UBTD2: variants seen among roughly 807,000 people sequenced by gnomAD.
UBTD2 encodes ubiquitin domain-containing protein 2.
A neutral mutation model predicts 19.8 loss-of-function variants in UBTD2; 9 were observed. The ratio of observed to expected loss-of-function variants is 0.46; its 90% CI spans 0.27 to 0.79. The LOEUF (loss-of-function observed/expected upper bound fraction) is 0.79, where lower values mean the gene tolerates loss of function less well. Ranked by LOEUF, UBTD2 falls within the 30% of genes least tolerant of loss-of-function variation. The pLI is 0.14. For synonymous variants in UBTD2, 98 were observed against 103.9 expected, an observed-to-expected ratio of 0.94 and a Z score of 0.35; for missense variants, 250 against 300.4, an observed-to-expected ratio of 0.83 and a Z score of 1.24.
intron 1 of UBTD2, among the ~76,000 whole-genome samples, chr5:172,264,741 T>C (rs1046000056): frequency 1.6e-4 from 25 of 151,834 alleles, no homozygotes; most frequent in African/African-American, 6.0e-4. Flanking sequence ...CCAGGCATAG[T>C]GGCATGCGCC....
At chr5:172,235,359 G>C (rs1039628470) in intron 1 of UBTD2, among the ~76,000 whole-genome samples, 2 of 152,174 alleles carry the variant, frequency 1.3e-5, no homozygotes, top group African/African-American at 2.4e-5. Context: ...AAACTGATTA[G>C]AGGAATGCTT....
intron 2 of UBTD2, among the ~76,000 whole-genome samples, chr5:172,215,245 C>T (rs939389213): frequency 1.4e-4 from 22 of 152,164 alleles, no homozygotes; most frequent in Non-Finnish European, 2.9e-4. Context: ...AGAATAATTC[C>T]CTGGGTTGGA....
intron 2 of UBTD2, among the ~76,000 whole-genome samples, chr5:172,231,644 G>A (rs1263012408): frequency 3.3e-5 from 5 of 152,126 alleles, no homozygotes; most frequent in African/African-American, 9.7e-5. Flanking sequence ...TATTCCAGTA[G>A]GTAATTATAA....
chr5:172,267,845 A>C (rs1479399699), intron 1 of UBTD2, among the ~76,000 whole-genome samples: 1 of 152,254 alleles, frequency 6.6e-6, no homozygotes, highest in African/African-American at 2.4e-5. Context: ...TAACATACTT[A>C]AAAACGAAAG....
intron 2 of UBTD2, among the ~76,000 whole-genome samples, chr5:172,222,973 C>T (rs1771683742): frequency 6.6e-6 from 1 of 152,094 alleles, no homozygotes; most frequent in African/African-American, 2.4e-5. Flanking sequence ...GTTTTATCAT[C>T]TACCTGAAGA....
chr5:172,271,998 C>A (rs1385880400), intron 1 of UBTD2, among the ~76,000 whole-genome samples: 1 of 152,134 alleles, frequency 6.6e-6, no homozygotes, highest in Non-Finnish European at 1.5e-5. Flanking sequence ...ATAATTATGA[C>A]CTCACACTCA....
chr5:172,212,042 T>C lies in UBTD2; in HGVS notation c.493A>G (p.Lys165Glu). Reference protein sequence around the residue: ...RLRLSTGKDLKLVVRSTDTVF... With the variant: ...RLRLSTGKDLELVVRSTDTVF... Reference sequence around the variant, plus strand: ...GTGTCTGTGCTGCGAACCACAAGCTTGAGGTCTTTGCCTGTGGAAAGGCGC... The same window carrying C: ...GTGTCTGTGCTGCGAACCACAAGCTCGAGGTCTTTGCCTGTGGAAAGGCGC... Residue 165 changes from lysine (K) to glutamate (E), a missense_variant, in exon 3 of 3, where the codon AAG becomes GAG. Lys to Glu is a moderately conservative substitution (Grantham distance 56). Transcript: ENST00000393792. The C allele has an allele frequency of 1.2e-6, 2 of 1,614,224 alleles. No homozygotes were observed. The highest frequency in any genetic ancestry group is 1.7e-6 in the Non-Finnish European group (2 of 1,180,028).
At chr5:172,270,942 G>A (rs2113122164) in intron 1 of UBTD2, among the ~76,000 whole-genome samples, 1 of 152,106 alleles carries the variant, frequency 6.6e-6, no homozygotes, top group East Asian at 1.9e-4. Context: ...CTCACAACTT[G>A]GTCTACTTAT....
intron 1 of UBTD2, among the ~76,000 whole-genome samples, chr5:172,266,094 C>T (rs1385966696): frequency 6.6e-6 from 1 of 151,968 alleles, no homozygotes; most frequent in Admixed American, 6.6e-5. Flanking sequence ...CCACCACACC[C>T]GGCTAATTTT....
chr5:172,256,530 CTT>C (rs11324235), intron 1 of UBTD2, among the ~76,000 whole-genome samples: 185 of 142,392 alleles, frequency 1.3e-3, no homozygotes, highest in African/African-American at 2.1e-3. Context: ...CCATGCCCAG[CTT>C]TTTTTTTTTT....
At chr5:172,257,400 C>T (rs752626259) in intron 1 of UBTD2, among the ~76,000 whole-genome samples, 15 of 152,298 alleles carry the variant, frequency 9.8e-5, no homozygotes, top group African/African-American at 2.2e-4. Context: ...TGGACATCTA[C>T]GTCGATTCCA....
At chr5:172,251,186 G>C (rs1021592278) in intron 1 of UBTD2, among the ~76,000 whole-genome samples, 3 of 151,074 alleles carry the variant, frequency 2.0e-5, no homozygotes, top group African/African-American at 7.3e-5. Flanking sequence ...GGGCGTGGTT[G>C]CAGGTGCCTG....
Position 172,234,285 on chromosome 5 carries a change from T to G in UBTD2, c.144A>C (p.Gly48=), listed in dbSNP as rs2113893838. Residue 48 remains glycine (G), a synonymous_variant, in exon 2 of 3, where the codon GGA becomes GGC. Transcript: ENST00000393792. ...ATTCATCCCTCTTGCTGCGTAGTTG[T>G]CCATCTGTCATAGGATAATCGCTTT... ...KWKSDYPMTD[G]QLRSKRDEFW... is the part of the protein sequence containing the mutation. The G allele has an allele frequency of 6.2e-7, 1 of 1,614,226 alleles. No homozygotes were observed. The highest frequency in any genetic ancestry group is 1.7e-5 in the Admixed American group (1 of 60,026).
chr5:172,273,388 C>CA (rs1755537584), intron 1 of UBTD2, among the ~76,000 whole-genome samples: 1 of 151,966 alleles, frequency 6.6e-6, no homozygotes, highest in South Asian at 2.1e-4. Flanking sequence ...GTTAGGAGTT[C>CA]AAAACCAGCC....
chr5:172,221,381 C>T (rs894845674), intron 2 of UBTD2, among the ~76,000 whole-genome samples: 9 of 152,090 alleles, frequency 5.9e-5, no homozygotes, highest in East Asian at 1.9e-4. Flanking sequence ...GGTGCCTGCC[C>T]GTAGTCCCAC....
At chr5:172,256,982 T>A (rs56035082) in intron 1 of UBTD2, among the ~76,000 whole-genome samples, 47,388 of 151,372 alleles carry the variant, frequency 0.31, 7,457 homozygotes, top group South Asian at 0.39. Flanking sequence ...TGAATTCTTT[T>A]TTTTCTTCTT....
At chr5:172,215,189 T>G (rs1470440815) in intron 2 of UBTD2, among the ~76,000 whole-genome samples, 45 of 152,210 alleles carry the variant, frequency 3.0e-4, no homozygotes, top group Admixed American at 2.9e-3. Context: ...GATACCTTCC[T>G]GAGTTTTACC....
At position 172,242,390 on chromosome 5, in the gene UBTD2, T is replaced by C. The variant is rs1200548683; in HGVS notation, c.71-8032A>G. 3 of 985,324 alleles carry C rather than the reference T, an allele frequency of 3.0e-6. No individual in the cohort carries two copies. In the African/African-American group the frequency reaches 5.2e-5, roughly 17 times the overall value. The allele number at this position is 985,324 out of a possible 1,614,324, so 61.0% of individuals were successfully genotyped here. A position where few individuals can be genotyped will look rare whatever the true frequency, so the allele number is the denominator to read the frequency against. ...TCCAACTTTCCCAAAATGTTTTTCA[T>C]ACCAAGTTCCAATCAAGGCTTATGT... On this transcript the variant is annotated intron_variant, in intron 1 of 2. Transcript: ENST00000393792.
intron 1 of UBTD2, among the ~76,000 whole-genome samples, chr5:172,278,978 A>G (rs571618884): frequency 2.0e-5 from 3 of 152,136 alleles, no homozygotes; most frequent in Non-Finnish European, 4.4e-5. Context: ...GGGTTTCTCC[A>G]TGTTGGCCAG....
Sources: gnomAD v4.1 joint callset for allele counts (sites outside exome capture counted in the v4.1 genomes callset) on GRCh38, gnomAD v4.1.1 for gene constraint, MANE v1.5 for transcripts, NCBI Gene and HGNC (gene_info 2026-07-23, HGNC 2026-07-21) for gene names.